The following TMEM114 variants were observed in gnomAD, a reference collection of about 807,000 sequenced individuals.
The protein encoded by TMEM114 is transmembrane protein 114.
TMEM114 carries 6 observed loss-of-function variants against 6.2 expected under a neutral mutation model. The ratio of observed to expected loss-of-function variants is 0.97; its 90% CI spans 0.53 to 1.91. The LOEUF (loss-of-function observed/expected upper bound fraction) is 1.91. Ranked by LOEUF, TMEM114 falls within the 40% of genes most tolerant of loss-of-function variation. The pLI is 0.01. For missense variants in TMEM114, 218 were observed against 158.3 expected, an observed-to-expected ratio of 1.38 and a Z score of -2.02; for synonymous variants, 104 against 73.0, an observed-to-expected ratio of 1.42 and a Z score of -2.16.
At chr16:8,530,216 T>A in the TMEM114 span, among the ~76,000 whole-genome samples, 2 of 152,258 alleles carry the variant, frequency 1.3e-5, no homozygotes, top group African/African-American at 4.8e-5. Context: ...TCTCTCTGCC[T>A]CCATGAAAAC....
At chr16:8,576,177 C>G (rs1018709870) in intron 2 of TMEM114, among the ~76,000 whole-genome samples, 2 of 152,194 alleles carry the variant, frequency 1.3e-5, no homozygotes, top group African/African-American at 4.8e-5. Flanking sequence ...GCCTCCTTCT[C>G]CCAGCTCATA....
downstream of TMEM114, among the ~76,000 whole-genome samples, chr16:8,534,758 A>G (rs927027073): frequency 2.6e-5 from 4 of 152,212 alleles, no homozygotes; most frequent in African/African-American, 9.6e-5. Flanking sequence ...TCAACATTGA[A>G]TTCATGCAAC....
intron 2 of TMEM114, among the ~76,000 whole-genome samples, chr16:8,560,537 G>T (rs148893170): frequency 6.6e-6 from 1 of 152,170 alleles, no homozygotes; most frequent in African/African-American, 2.4e-5. Context: ...GCTCCAAAAG[G>T]CGGGTTGTTT....
chr16:8,540,229 G>C lies in TMEM114; in HGVS notation n.213-2403C>G, dbSNP rs190030005. On this transcript the variant is annotated intron_variant and non_coding_transcript_variant, in intron 2 of 2. Transcript: ENST00000623677. ...TAAATATATATATAGCACTTGGCTA[G>C]AGATTAAGGATACAGTGATGAACTA... Among the ~76,000 whole-genome samples the C allele has an allele frequency of 2.2e-3, 341 of 152,258 alleles. 1 individual carries two copies. Among genetic ancestry groups the C allele is most frequent in the African/African-American group, 7.8e-3 (326 of 41,530 alleles).
intron 2 of TMEM114, among the ~76,000 whole-genome samples, chr16:8,549,626 CGT>C (rs1306949217): frequency 1.3e-5 from 2 of 151,468 alleles, no homozygotes; most frequent in African/African-American, 4.9e-5. Flanking sequence ...TGTTTTCCTT[CGT>C]GTGTGTGTGT....
At chr16:8,564,642 T>G (rs1218962347), downstream of TMEM114, among the ~76,000 whole-genome samples, 21 of 148,836 alleles carry the variant, frequency 1.4e-4, 1 homozygote, top group Admixed American at 3.3e-4. Context: ...AGTGAATGAG[T>G]GAGTAAATGA....
At chr16:8,537,714 G>A (rs1900400455) in exon 3 of TMEM114, 1 of 152,052 alleles carries the variant, frequency 6.6e-6, no homozygotes, top group Non-Finnish European at 1.5e-5. Flanking sequence ...CCGCCATTCT[G>A]TTTTATACCA....
At chr16:8,541,678 G>A (rs1458217120) in intron 2 of TMEM114, among the ~76,000 whole-genome samples, 2 of 152,166 alleles carry the variant, frequency 1.3e-5, no homozygotes, top group African/African-American at 4.8e-5. Context: ...ACAAATGAGT[G>A]AGAAACAGCA....
chr16:8,589,166 G>C (rs1413754834), intron 2 of TMEM114, 47 bp downstream of exon 2: 1 of 398,386 alleles, frequency 2.5e-6, no homozygotes, highest in Non-Finnish European at 4.4e-6. Flanking sequence ...CAGAACTCAC[G>C]GCTAGGACCG....
At chr16:8,544,809 CAG>C (rs1370996843) in intron 2 of TMEM114, among the ~76,000 whole-genome samples, 2 of 152,164 alleles carry the variant, frequency 1.3e-5, no homozygotes, top group African/African-American at 4.8e-5. Context: ...ATCAAATTTA[CAG>C]ACATTTGAAA....
chr16:8,564,077 ATGAATGAGTGAGTGAG>A (rs1159791770), intron 2 of TMEM114, among the ~76,000 whole-genome samples: 1 of 145,856 alleles, frequency 6.9e-6, no homozygotes, highest in Non-Finnish European at 1.5e-5. Context: ...GAGTGAGTGC[ATGAATGAGTGAGTGAG>A]TGAATGAGTG....
At position 8,572,442 on chromosome 16, in the gene TMEM114, T is replaced by G. The variant is rs533165420; in HGVS notation, c.302-218A>C. ...GGCTGTGTGCTTTGTTCTTGTTGTT[T>G]GTTTTGTTTTTGAGACAGGGTCTTG... is the stretch of plus-strand genomic sequence containing the variant. On this transcript the variant is annotated intron_variant, in intron 2 of 3. Transcript: ENST00000620492. 89 of 597,788 alleles carry G rather than the reference T, an allele frequency of 1.5e-4. 2 individuals are homozygous for G. Among genetic ancestry groups the G allele is most frequent in the African/African-American group, 1.5e-3 (78 of 53,608 alleles). 37.0% of individuals were successfully genotyped at this position (597,788 alleles called of 1,614,324 possible). A position where few individuals can be genotyped will look rare whatever the true frequency, so the allele number is the denominator to read the frequency against.
intron 2 of TMEM114, among the ~76,000 whole-genome samples, chr16:8,562,232 G>GTGAGTGAA (rs761795919): frequency 2.1e-5 from 3 of 141,324 alleles, no homozygotes; most frequent in Non-Finnish European, 4.7e-5. Flanking sequence ...GAGTGAGTGA[G>GTGAGTGAA]TGAGTGAATG....
chr16:8,530,546 A>G, the TMEM114 span, among the ~76,000 whole-genome samples: 1 of 148,748 alleles, frequency 6.7e-6, no homozygotes, highest in African/African-American at 2.4e-5. Context: ...AGGGAAGGAA[A>G]GAGAAAGGAA....
intron 2 of TMEM114, among the ~76,000 whole-genome samples, chr16:8,580,380 G>A (rs974862415): frequency 3.3e-5 from 5 of 151,712 alleles, no homozygotes; most frequent in African/African-American, 9.7e-5. Flanking sequence ...CCAGCTACTC[G>A]GGAGGCTGAG....
chr16:8,540,877 G>C (rs1900497081), intron 2 of TMEM114, among the ~76,000 whole-genome samples: 1 of 152,214 alleles, frequency 6.6e-6, no homozygotes, highest in African/African-American at 2.4e-5. Flanking sequence ...AGAGGTATCA[G>C]GGCAGGCTTC....
chr16:8,580,632 T>C (rs979480742), intron 2 of TMEM114, among the ~76,000 whole-genome samples: 4 of 152,216 alleles, frequency 2.6e-5, no homozygotes, highest in Admixed American at 6.5e-5. Flanking sequence ...CATATATTTA[T>C]AATTTTTCTA....
At chr16:8,561,342 C>G (rs947913780) in intron 2 of TMEM114, among the ~76,000 whole-genome samples, 1 of 152,178 alleles carries the variant, frequency 6.6e-6, no homozygotes, top group Non-Finnish European at 1.5e-5. Context: ...TTTCATCGTA[C>G]AACACACTCT....
At chr16:8,527,663 G>C in the TMEM114 span, among the ~76,000 whole-genome samples, 477 of 152,206 alleles carry the variant, frequency 3.1e-3, 4 homozygotes, top group African/African-American at 0.011. Context: ...GGACCATTGA[G>C]GGTGGTAGTT....
Sources: allele counts gnomAD v4.1 joint callset (sites outside exome capture counted in the v4.1 genomes callset), GRCh38; gene constraint gnomAD v4.1.1; transcripts MANE v1.5; gene names NCBI Gene and HGNC (gene_info 2026-07-23, HGNC 2026-07-21).